PAX8: variants seen among roughly 807,000 people sequenced by gnomAD.
PAX8 encodes the protein paired box 8.
PAX8 carries 15 observed loss-of-function variants against 52.4 expected under a neutral mutation model. That is an observed-to-expected ratio of 0.29 (90% CI 0.19 to 0.44). The LOEUF (loss-of-function observed/expected upper bound fraction) is 0.44, where lower values mean the gene tolerates loss of function less well. PAX8 is among the 20% of genes least tolerant of loss of function. The probability of loss-of-function intolerance (pLI) is 1.00; values close to 1 mark genes in which losing one functional copy is unlikely to be tolerated. For synonymous variants in PAX8, 284 were observed against 249.7 expected (o/e 1.14, Z -1.29); for missense variants, 554 against 602.5 (o/e 0.92, Z 0.84).
chr2:113,271,593 G>C (rs1326499317), intron 2 of PAX8: 1 of 151,358 alleles, frequency 6.6e-6, no homozygotes, highest in African/African-American at 2.4e-5. Flanking sequence ...ACACTGATGA[G>C]GAAAGCAAGC....
At chr2:113,278,285 G>T in intron 2 of PAX8, 85 bp downstream of exon 2, 1 of 1,121,584 alleles carries the variant, frequency 8.9e-7, no homozygotes, top group Non-Finnish European at 1.3e-6. Context: ...CCGTGCTGAC[G>T]CTCTCGAGAT....
chr2:113,226,648 T>TTCATCA, intron 10 of PAX8: 3 of 1,096,070 alleles, frequency 2.7e-6, no homozygotes, highest in Non-Finnish European at 3.3e-6. Context: ...AAGCATATAT[T>TTCATCA]TCATCATCAT....
rs1040576038 is a variant in PAX8, at chr2:113,236,836, C to T, written c.778-115G>A. On this transcript the variant is annotated intron_variant, in intron 7 of 11. Coordinates refer to ENST00000429538, the MANE Select transcript of PAX8 (RefSeq NM_003466.4). Reference sequence around the variant, plus strand: ...CCCTCATCTCCCCAGGAGAGGTCCTCATCGCCCCCTTCTTCCTTTACGTTC... The same window carrying T: ...CCCTCATCTCCCCAGGAGAGGTCCTTATCGCCCCCTTCTTCCTTTACGTTC... 8.9e-6 allele frequency: 11 copies of T among 1,232,114 alleles called. No individual in the cohort carries two copies. In the African/African-American group the frequency reaches 1.2e-4, roughly 14 times the overall value. 76.3% of individuals were successfully genotyped at this position (1,232,114 alleles called of 1,614,324 possible).
chr2:113,242,274 G>A, intron 5 of PAX8, 144 bp from the exon 6 acceptor site: 1 of 666,550 alleles, frequency 1.5e-6, no homozygotes, highest in Non-Finnish European at 2.6e-6. Flanking sequence ...ACCCCTTACA[G>A]CCCTGGGGTG....
chr2:113,220,639 G>C (rs1211153371), intron 10 of PAX8, among the ~76,000 whole-genome samples: 1 of 152,120 alleles, frequency 6.6e-6, no homozygotes, highest in Non-Finnish European at 1.5e-5. Context: ...CCACAGCAGG[G>C]GTATGGGGTT....
At chr2:113,234,717 A>T (rs1690136368) in intron 9 of PAX8, among the ~76,000 whole-genome samples, 1 of 152,058 alleles carries the variant, frequency 6.6e-6, no homozygotes, top group African/African-American at 2.4e-5. Context: ...ATGGGGTTTC[A>T]TCATCTTGGC....
chr2:113,251,373 T>G, intron 2 of PAX8, among the ~76,000 whole-genome samples: 1 of 138,326 alleles, frequency 7.2e-6, no homozygotes, highest in Non-Finnish European at 1.6e-5. Context: ...GGGCGGGAAG[T>G]GGGGTGAGGG....
intron 7 of PAX8, 163 bp from the exon 8 acceptor site, chr2:113,236,884 G>C: frequency 2.5e-6 from 2 of 807,496 alleles, no homozygotes; most frequent in South Asian, 2.0e-5. Flanking sequence ...GGCACGTTTC[G>C]TTCATGCTCA....
chr2:113,225,823 G>T, intron 10 of PAX8: 1 of 745,018 alleles, frequency 1.3e-6, no homozygotes, highest in Non-Finnish European at 1.6e-6. Flanking sequence ...GAAGGGGAAT[G>T]GGGGGAACCG....
intron 2 of PAX8, among the ~76,000 whole-genome samples, chr2:113,256,395 A>G (rs1404563988): frequency 2.0e-5 from 3 of 152,220 alleles, no homozygotes; most frequent in Non-Finnish European, 4.4e-5. Context: ...TGCTGGGGGC[A>G]TGTGAGGCTG....
intron 10 of PAX8, among the ~76,000 whole-genome samples, chr2:113,221,128 C>T (rs1689251002): frequency 6.6e-6 from 1 of 152,320 alleles, no homozygotes; most frequent in Middle Eastern, 3.4e-3. Context: ...GAAAAGGAAA[C>T]TGGAGTGCAG....
rs1470298694 is a variant in PAX8 at position 113,236,701 on chromosome 2, C to G, written c.798G>C (p.Leu266Phe). 2 of 1,577,692 alleles carry G rather than the reference C, an allele frequency of 1.3e-6. No homozygotes were observed. Among genetic ancestry groups the G allele is most frequent in the African/African-American group, 1.3e-5 (1 of 74,260 alleles). ...KGEQGLYPLP[L>F]LNSTLDDGKA... is the part of the protein sequence containing the mutation. ...TCCCGTCGTCCAGGGTGCTGTTGAG[C>G]AAGGGCAGCGGGTAGAGGCCCTGGG... The change falls in exon 8 of 12, where the codon TTG (leucine) becomes TTC (phenylalanine). Residue 266 changes from leucine (L) to phenylalanine (F), a missense_variant. Transcript: ENST00000429538.
intron 2 of PAX8, among the ~76,000 whole-genome samples, chr2:113,247,624 G>T (rs140784613): frequency 2.0e-4 from 31 of 152,298 alleles, no homozygotes; most frequent in African/African-American, 7.0e-4. Flanking sequence ...GCCACTGTGG[G>T]AATCTATCCA....
intron 2 of PAX8, among the ~76,000 whole-genome samples, chr2:113,258,081 G>A (rs1038877653): frequency 6.6e-6 from 1 of 152,152 alleles, no homozygotes; most frequent in African/African-American, 2.4e-5. Context: ...TCCAGGAATA[G>A]CCAGACCCCG....
intron 10 of PAX8, chr2:113,225,802 T>C: frequency 2.2e-6 from 1 of 453,858 alleles, no homozygotes; most frequent in Non-Finnish European, 2.9e-6. Flanking sequence ...CAGGGGAAGG[T>C]GGAGGGGTTG....
At chr2:113,233,163 C>G (rs1399080188) in intron 9 of PAX8, among the ~76,000 whole-genome samples, 1 of 151,712 alleles carries the variant, frequency 6.6e-6, no homozygotes, top group Non-Finnish European at 1.5e-5. Flanking sequence ...CTTTTCATCA[C>G]TTTGGTCAAA....
intron 9 of PAX8, among the ~76,000 whole-genome samples, chr2:113,234,021 G>A (rs1441897786): frequency 6.6e-6 from 1 of 152,184 alleles, no homozygotes; most frequent in African/African-American, 2.4e-5. Context: ...GGGGTAGGAG[G>A]GTGTGGGAGG....
At chr2:113,220,559 G>T in intron 10 of PAX8, 1 of 199,898 alleles carries the variant, frequency 5.0e-6, no homozygotes, top group Non-Finnish European at 1.0e-5. Flanking sequence ...TGCTGTGAGT[G>T]TAGGGCCCAG....
At chr2:113,264,766 G>A (rs1365239062) in intron 2 of PAX8, among the ~76,000 whole-genome samples, 5 of 152,210 alleles carry the variant, frequency 3.3e-5, no homozygotes, top group Non-Finnish European at 5.9e-5. Context: ...GGTAAAGGGT[G>A]TCTAAAAAGG....
Sources: gnomAD v4.1 joint callset for allele counts (sites outside exome capture counted in the v4.1 genomes callset) on GRCh38, gnomAD v4.1.1 for gene constraint, MANE v1.5 for transcripts, NCBI Gene and HGNC (gene_info 2026-07-23, HGNC 2026-07-21) for gene names.